Variants in CNTNAP2 observed in about 807,000 individuals in gnomAD.
CNTNAP2 encodes contactin associated protein 2, also known as contactin-associated protein-like 2.
In CNTNAP2, 98 loss-of-function variants were observed where a neutral mutation model predicts 155.2. That is an observed-to-expected ratio of 0.63 (90% CI 0.54 to 0.75). The LOEUF is 0.75. Ranked by LOEUF, CNTNAP2 falls within the 30% of genes least tolerant of loss-of-function variation. CNTNAP2 has a pLI of 0.00. For missense variants in CNTNAP2, 1,727 were observed against 1,688.1 expected (o/e 1.02, Z -0.40); for synonymous variants, 651 against 631.2 (o/e 1.03, Z -0.47).
chr7:147,026,214 T>C (rs1235848609), intron 3 of CNTNAP2, among the ~76,000 whole-genome samples: 12 of 152,202 alleles, frequency 7.9e-5, no homozygotes, highest in Admixed American at 4.6e-4. Flanking sequence ...ATAGTGTATA[T>C]AAAATTGAAG....
chr7:146,958,574 C>T (rs536503418), intron 3 of CNTNAP2, among the ~76,000 whole-genome samples: 12 of 151,478 alleles, frequency 7.9e-5, no homozygotes, highest in African/African-American at 2.4e-4. Context: ...CCACAACGCC[C>T]GGCTAATTTT....
At chr7:147,671,522 G>A (rs1037738984) in intron 13 of CNTNAP2, among the ~76,000 whole-genome samples, 4 of 151,810 alleles carry the variant, frequency 2.6e-5, no homozygotes, top group Admixed American at 2.6e-4. Flanking sequence ...TTTTTTTTTG[G>A]CCAAAATAAC....
intron 4 of CNTNAP2, among the ~76,000 whole-genome samples, chr7:147,069,636 A>G (rs6956700): frequency 0.71 from 108,390 of 151,828 alleles, 38,683 homozygotes; most frequent in East Asian, 0.74. Flanking sequence ...CGTAACATAG[A>G]GATTGAGTAA....
chr7:147,935,734 C>A (rs1456862578), intron 14 of CNTNAP2, among the ~76,000 whole-genome samples: 1 of 152,132 alleles, frequency 6.6e-6, no homozygotes, highest in African/African-American at 2.4e-5. Flanking sequence ...GAAAGGTGAG[C>A]TTTATCTTGG....
chr7:146,620,501 G>A (rs1030123815), intron 1 of CNTNAP2, among the ~76,000 whole-genome samples: 1 of 152,114 alleles, frequency 6.6e-6, no homozygotes, highest in African/African-American at 2.4e-5. Context: ...ACTGAGGGAG[G>A]TTAATCAGTA....
At chr7:146,460,500 C>G (rs961163599) in intron 1 of CNTNAP2, among the ~76,000 whole-genome samples, 1 of 151,976 alleles carries the variant, frequency 6.6e-6, no homozygotes, top group Admixed American at 6.6e-5. Context: ...GCACTGTTCG[C>G]AATAGCCAAG....
chr7:147,664,621 G>A (rs904076426), intron 13 of CNTNAP2, among the ~76,000 whole-genome samples: 3 of 151,996 alleles, frequency 2.0e-5, no homozygotes, highest in South Asian at 4.1e-4. Context: ...CTTCTCTATC[G>A]GTCCAGTACA....
chr7:146,896,684 A>G (rs1345858411), intron 3 of CNTNAP2, among the ~76,000 whole-genome samples: 2 of 152,086 alleles, frequency 1.3e-5, no homozygotes, highest in African/African-American at 4.8e-5. Context: ...GACCTAATAG[A>G]ATAGAAACTA....
At chr7:146,923,774 C>T (rs1003179366) in intron 3 of CNTNAP2, among the ~76,000 whole-genome samples, 4 of 152,114 alleles carry the variant, frequency 2.6e-5, no homozygotes, top group Admixed American at 1.3e-4. Context: ...AGATCTCTCT[C>T]GATCTTTATG....
chr7:146,598,566 C>G (rs1161755783), intron 1 of CNTNAP2, among the ~76,000 whole-genome samples: 1 of 152,068 alleles, frequency 6.6e-6, no homozygotes, highest in Admixed American at 6.6e-5. Flanking sequence ...TCACATTCCT[C>G]ATTTATGGAC....
chr7:146,415,700 A>T (rs558990957), intron 1 of CNTNAP2, among the ~76,000 whole-genome samples: 15 of 152,172 alleles, frequency 9.9e-5, no homozygotes, highest in East Asian at 5.8e-4. Flanking sequence ...GTTTAAAAAA[A>T]TTTAAAAAAA....
chr7:148,287,224 C>G (rs1027550386), intron 21 of CNTNAP2, among the ~76,000 whole-genome samples: 16 of 152,324 alleles, frequency 1.1e-4, no homozygotes, highest in Non-Finnish European at 2.1e-4. Context: ...TAAAATACAT[C>G]TAAGTTTCCT....
In CNTNAP2 at chr7:148,061,954, T is replaced by TAG. The variant is rs1554468121; in HGVS notation, c.2384-56163_2384-56162insGA. On this transcript the variant is annotated intron_variant, in intron 15 of 23. Transcript: ENST00000361727. ...ATAGATAGATAGATAGATAAACAGA[T>TAG]ATAGATAGATAGATAGATAGATAGA... is the stretch of plus-strand genomic sequence containing the variant. Among the ~76,000 whole-genome samples, 802 of 95,868 alleles carry TAG rather than the reference T, an allele frequency of 8.4e-3. 13 individuals are homozygous for TAG. The highest frequency in any genetic ancestry group is 0.014 in the South Asian group (36 of 2,506). 62.9% of individuals were successfully genotyped at this position (95,868 alleles called of 152,430 possible).
chr7:147,431,876 A>G (rs1797472204), intron 10 of CNTNAP2, among the ~76,000 whole-genome samples: 1 of 152,132 alleles, frequency 6.6e-6, no homozygotes, highest in African/African-American at 2.4e-5. Flanking sequence ...CTCTGCACTA[A>G]GCACTTTCTC....
At chr7:146,802,979 G>A (rs968144724) in intron 2 of CNTNAP2, among the ~76,000 whole-genome samples, 1 of 152,122 alleles carries the variant, frequency 6.6e-6, no homozygotes, top group Non-Finnish European at 1.5e-5. Flanking sequence ...AATCAATGAA[G>A]ATTATATTGA....
At chr7:146,883,253 T>C (rs1795589764) in intron 3 of CNTNAP2, among the ~76,000 whole-genome samples, 1 of 152,204 alleles carries the variant, frequency 6.6e-6, no homozygotes, top group Non-Finnish European at 1.5e-5. Context: ...TTTACAATGT[T>C]ATTTCACAAT....
intron 1 of CNTNAP2, among the ~76,000 whole-genome samples, chr7:146,767,094 A>G (rs943523586): frequency 6.6e-6 from 1 of 152,184 alleles, no homozygotes; most frequent in Non-Finnish European, 1.5e-5. Context: ...ATGACAAACT[A>G]ATTGTACTTC....
chr7:147,737,842 T>C (rs530080288), intron 13 of CNTNAP2, among the ~76,000 whole-genome samples: 3 of 152,334 alleles, frequency 2.0e-5, no homozygotes, highest in East Asian at 3.9e-4. Context: ...AATCTCCTAG[T>C]GTGCCATTTG....
intron 1 of CNTNAP2, among the ~76,000 whole-genome samples, chr7:146,389,696 C>CTTTTTTTTTTTTT: frequency 1.1e-4 from 16 of 140,814 alleles, no homozygotes; most frequent in African/African-American, 3.7e-4. Context: ...TTTTTCTTTT[C>CTTTTTTTTTTTTT]TTTTTTCTTT....
Sources: allele counts gnomAD v4.1 joint callset (sites outside exome capture counted in the v4.1 genomes callset), GRCh38; gene constraint gnomAD v4.1.1; transcripts MANE v1.5; gene names NCBI Gene and HGNC (gene_info 2026-07-23, HGNC 2026-07-21).